MYT1L: variants seen among roughly 807,000 people sequenced by gnomAD.
MYT1L encodes myelin transcription factor 1 like, also known as myelin transcription factor 1-like protein.
Under a neutral mutation model 126.7 loss-of-function variants are expected in MYT1L, and 12 were observed. The observed-to-expected ratio is 0.09, with a 90% CI of 0.06 to 0.15. MYT1L has a LOEUF of 0.15. Ranked by LOEUF, MYT1L falls within the 10% of genes least tolerant of loss-of-function variation. The pLI is 1.00. For synonymous variants in MYT1L, 541 were observed against 604.2 expected (o/e 0.90, Z 1.53); for missense variants, 979 against 1,585.2 (o/e 0.62, Z 6.49).
intron 3 of MYT1L, among the ~76,000 whole-genome samples, chr2:2,137,756 C>T (rs1364280197): frequency 6.6e-6 from 1 of 152,072 alleles, no homozygotes; most frequent in Non-Finnish European, 1.5e-5. Context: ...AACCTAGGCA[C>T]TACCATTCAG....
At chr2:2,299,177 A>G (rs1384536033) in intron 1 of MYT1L, among the ~76,000 whole-genome samples, 1 of 152,204 alleles carries the variant, frequency 6.6e-6, no homozygotes, top group African/African-American at 2.4e-5. Flanking sequence ...AAACAGGGGC[A>G]TGACTTGTTC....
At chr2:2,248,919 T>C (rs770275810) in intron 2 of MYT1L, among the ~76,000 whole-genome samples, 8 of 152,156 alleles carry the variant, frequency 5.3e-5, no homozygotes, top group Non-Finnish European at 7.4e-5. Context: ...AGTATCATAC[T>C]GAGTGAAAAG....
intron 4 of MYT1L, among the ~76,000 whole-genome samples, chr2:2,036,587 C>T (rs1445607950): frequency 6.6e-6 from 1 of 152,240 alleles, no homozygotes; most frequent in African/African-American, 2.4e-5. Flanking sequence ...GGCAGCCACG[C>T]TTCAGTCTTC....
intron 21 of MYT1L, among the ~76,000 whole-genome samples, chr2:1,823,486 C>T (rs764696222): frequency 3.9e-5 from 6 of 152,182 alleles, no homozygotes; most frequent in Admixed American, 1.3e-4. Context: ...GTGTGGTTGA[C>T]GCTGGAGGGC....
intron 4 of MYT1L, among the ~76,000 whole-genome samples, chr2:2,048,138 T>A (rs2068410936): frequency 1.3e-5 from 2 of 152,184 alleles, no homozygotes; most frequent in Non-Finnish European, 2.9e-5. Context: ...GAAGCGGGGA[T>A]AGAGCCTGAT....
intron 18 of MYT1L, among the ~76,000 whole-genome samples, chr2:1,882,906 G>A (rs2047741641): frequency 6.6e-6 from 1 of 152,186 alleles, no homozygotes; most frequent in Non-Finnish European, 1.5e-5. Flanking sequence ...GATTTATGAT[G>A]TATTTTAAAA....
In MYT1L at chr2:1,887,889, T is replaced by C. The variant is rs902468427; in HGVS notation, c.2521-280A>G. Among the ~76,000 whole-genome samples the C allele has an allele frequency of 6.6e-6, 1 of 152,204 alleles. No homozygotes were observed. The highest frequency in any genetic ancestry group is 2.4e-5 in the African/African-American group (1 of 41,438). On this transcript the variant is annotated intron_variant, in intron 16 of 24. Transcript: ENST00000647738. The surrounding 1 kb of genome is among the most constrained non-coding windows in gnomAD (Gnocchi z 4.8). The stretch of plus-strand genomic sequence containing the variant: ...TCACATGGACACACACACGGTCTGG[T>C]AGCCAGAGACTACATTTAACTTGGT...
intron 14 of MYT1L, among the ~76,000 whole-genome samples, chr2:1,895,721 A>C (rs1166699992): frequency 6.6e-6 from 1 of 152,258 alleles, no homozygotes; most frequent in Non-Finnish European, 1.5e-5. Context: ...TAAGATGTCA[A>C]ACTATAAAAA....
At chr2:2,113,439 C>T (rs893302283) in intron 3 of MYT1L, among the ~76,000 whole-genome samples, 8 of 152,210 alleles carry the variant, frequency 5.3e-5, no homozygotes, top group African/African-American at 1.4e-4. Context: ...AGCCAGGTCA[C>T]TCCTGCACCT....
At chr2:2,188,791 A>T (rs75185475) in intron 2 of MYT1L, among the ~76,000 whole-genome samples, 5,497 of 152,254 alleles carry the variant, frequency 0.036, 341 homozygotes, top group African/African-American at 0.13. Flanking sequence ...CATCTTGCTG[A>T]CAAGCTGGCC....
chr2:2,007,164 C>T (rs1246153917), intron 4 of MYT1L, among the ~76,000 whole-genome samples: 3 of 151,926 alleles, frequency 2.0e-5, no homozygotes, highest in South Asian at 4.2e-4. Context: ...GGCATCCTTA[C>T]GAGGCATTGA....
At chr2:2,103,188 C>T (rs946794162) in intron 3 of MYT1L, among the ~76,000 whole-genome samples, 8 of 152,134 alleles carry the variant, frequency 5.3e-5, no homozygotes, top group African/African-American at 7.2e-5. Flanking sequence ...AAATATTCAG[C>T]GCTGCAACCA....
intron 19 of MYT1L, among the ~76,000 whole-genome samples, chr2:1,844,449 G>A (rs1042816220): frequency 3.9e-5 from 6 of 152,160 alleles, no homozygotes; most frequent in Non-Finnish European, 8.8e-5. Flanking sequence ...AACATAGGAT[G>A]GAAAGCCAGT....
intron 2 of MYT1L, among the ~76,000 whole-genome samples, chr2:2,249,688 G>T (rs1380225066): frequency 6.6e-6 from 1 of 151,958 alleles, no homozygotes; most frequent in East Asian, 1.9e-4. Context: ...ATCACATCAA[G>T]TAAAAAAGCT....
chr2:1,941,825 G>A (rs1248318720), intron 9 of MYT1L, among the ~76,000 whole-genome samples: 1 of 152,060 alleles, frequency 6.6e-6, no homozygotes, highest in Non-Finnish European at 1.5e-5. Flanking sequence ...TGTTTGCATA[G>A]GAATCTTAAG....
intron 1 of MYT1L, among the ~76,000 whole-genome samples, chr2:2,291,745 C>T (rs1240063581): frequency 6.6e-6 from 1 of 152,230 alleles, no homozygotes; most frequent in Non-Finnish European, 1.5e-5. Flanking sequence ...GCCGAGCCAG[C>T]CTGGCTCCCC....
chr2:1,817,221 G>A (rs2037797777), intron 21 of MYT1L, among the ~76,000 whole-genome samples: 1 of 152,234 alleles, frequency 6.6e-6, no homozygotes, highest in Non-Finnish European at 1.5e-5. Flanking sequence ...TAAGTTATGT[G>A]CGGTTAATTA....
chr2:2,265,308 C>T (rs952477018), intron 2 of MYT1L, among the ~76,000 whole-genome samples: 1 of 151,558 alleles, frequency 6.6e-6, no homozygotes, highest in Non-Finnish European at 1.5e-5. Context: ...GCGCCTGGCC[C>T]ATCCTTTTTT....
At chr2:2,109,934 A>G in intron 3 of MYT1L, among the ~76,000 whole-genome samples, 1 of 126,658 alleles carries the variant, frequency 7.9e-6, no homozygotes, top group Non-Finnish European at 1.6e-5. Flanking sequence ...TCCCTTTCAG[A>G]ATAAATTCGG....
Sources: gnomAD v4.1 joint callset for allele counts (sites outside exome capture counted in the v4.1 genomes callset) on GRCh38, gnomAD v4.1.1 for gene constraint, Gnocchi (gnomAD v3.1) non-coding constraint, MANE v1.5 for transcripts, NCBI Gene and HGNC (gene_info 2026-07-23, HGNC 2026-07-21) for gene names.